The following NDUFAF2 variants were observed in gnomAD, a reference collection of about 807,000 sequenced individuals.
NDUFAF2 encodes NADH:ubiquinone oxidoreductase complex assembly factor 2, also known as NADH dehydrogenase [ubiquinone] 1 alpha subcomplex assembly factor 2.
In NDUFAF2, 13 loss-of-function variants were observed where a neutral mutation model predicts 22.8. The observed-to-expected ratio is 0.57, with a 90% CI of 0.37 to 0.91. The LOEUF is 0.91. Ranked by LOEUF, NDUFAF2 falls within the 40% of genes least tolerant of loss-of-function variation. The probability of loss-of-function intolerance (pLI) is 0.01; values close to 1 mark genes in which losing one functional copy is unlikely to be tolerated. For synonymous variants in NDUFAF2, 53 were observed against 64.2 expected, an observed-to-expected ratio of 0.83 and a Z score of 0.84; for missense variants, 162 against 195.2, an observed-to-expected ratio of 0.83 and a Z score of 1.01.
chr5:60,964,386 C>A (rs1441718496), intron 1 of NDUFAF2, among the ~76,000 whole-genome samples: 1 of 151,488 alleles, frequency 6.6e-6, no homozygotes, highest in East Asian at 1.9e-4. Flanking sequence ...ATATGTATTA[C>A]CTCATAATTT....
intron 3 of NDUFAF2, among the ~76,000 whole-genome samples, chr5:61,135,062 TA>T (rs1262294489): frequency 6.7e-6 from 1 of 150,018 alleles, no homozygotes; most frequent in Non-Finnish European, 1.5e-5. Flanking sequence ...GCTTATAGCA[TA>T]AAAGAAATTA....
intron 2 of NDUFAF2, among the ~76,000 whole-genome samples, chr5:61,090,923 A>G (rs975226401): frequency 6.6e-6 from 1 of 152,066 alleles, no homozygotes; most frequent in African/African-American, 2.4e-5. Context: ...CCCACTTATA[A>G]GTGAGAACAT....
Position 61,153,013 on chromosome 5 carries a change from GA to G in NDUFAF2, c.*60del. 6.4e-7 allele frequency: 1 copy of G among 1,571,106 alleles called. No individual in the cohort carries two copies. Among genetic ancestry groups the G allele is most frequent in the Non-Finnish European group, 8.7e-7 (1 of 1,146,806 alleles). On this transcript the variant is annotated 3_prime_UTR_variant, in exon 4 of 4. Transcript: ENST00000296597. Reference sequence around the variant, plus strand: ...GATGTGACTATTTTAACAAATAAAAGAAGTGAAAAGTTATTTACCTTGTATT... The same window carrying G: ...GATGTGACTATTTTAACAAATAAAAGAGTGAAAAGTTATTTACCTTGTATT...
At chr5:61,127,993 T>C (rs1753058617) in intron 3 of NDUFAF2, among the ~76,000 whole-genome samples, 2 of 152,316 alleles carry the variant, frequency 1.3e-5, no homozygotes, top group African/African-American at 2.4e-5. Context: ...AGCATTCTTA[T>C]ACACCAATAA....
At chr5:60,985,859 G>A (rs1274293377) in intron 1 of NDUFAF2, among the ~76,000 whole-genome samples, 1 of 152,024 alleles carries the variant, frequency 6.6e-6, no homozygotes, top group African/African-American at 2.4e-5. Flanking sequence ...GGGAATTGTG[G>A]TAGTTACAAT....
chr5:61,072,057 C>G (rs893578964), intron 1 of NDUFAF2, among the ~76,000 whole-genome samples: 2 of 152,220 alleles, frequency 1.3e-5, no homozygotes, highest in Admixed American at 6.5e-5. Flanking sequence ...TTACTGTTCT[C>G]TCTGTTTCAT....
chr5:61,093,579 G>A (rs1752599106), intron 2 of NDUFAF2, among the ~76,000 whole-genome samples: 1 of 152,144 alleles, frequency 6.6e-6, no homozygotes, highest in Non-Finnish European at 1.5e-5. Flanking sequence ...TGCATATATT[G>A]AACCAGCCTT....
intron 1 of NDUFAF2, among the ~76,000 whole-genome samples, chr5:61,023,069 T>G (rs902368275): frequency 1.3e-5 from 2 of 152,220 alleles, no homozygotes; most frequent in African/African-American, 2.4e-5. Flanking sequence ...TCATCAGTTT[T>G]GGAAAATGTC....
intron 3 of NDUFAF2, among the ~76,000 whole-genome samples, chr5:61,106,713 C>G (rs1579833018): frequency 1.3e-5 from 2 of 151,110 alleles, no homozygotes; most frequent in Admixed American, 1.3e-4. Context: ...CCTTCCCAGC[C>G]TCTGGTAATC....
intron 3 of NDUFAF2, among the ~76,000 whole-genome samples, chr5:61,143,867 T>C (rs1270498729): frequency 6.6e-6 from 1 of 151,926 alleles, no homozygotes; most frequent in Non-Finnish European, 1.5e-5. Flanking sequence ...TACTTGGAAT[T>C]CACAAGTACT....
At position 61,128,136 on chromosome 5, in the gene NDUFAF2, T is replaced by G. The variant is rs372423474; in HGVS notation, c.259-24568T>G. On this transcript the variant is annotated intron_variant, in intron 3 of 3. Transcript: ENST00000296597. ...AGGAGAACTACAAACCACTGCTCAA[T>G]GAAATAAAAGAAGACACAAACAAAT... is the stretch of plus-strand genomic sequence containing the variant. 4.6e-5 allele frequency among the ~76,000 whole-genome samples: 7 copies of G among 151,996 alleles called. No homozygotes were observed. The East Asian group carries it at 9.7e-4, about 21-fold the overall frequency.
intron 1 of NDUFAF2, among the ~76,000 whole-genome samples, chr5:61,047,474 T>C (rs1209315217): frequency 6.6e-6 from 1 of 152,144 alleles, no homozygotes; most frequent in African/African-American, 2.4e-5. Context: ...TTAGCTAGTG[T>C]CAAAGCATTC....
intron 1 of NDUFAF2, among the ~76,000 whole-genome samples, chr5:60,986,080 T>C (rs1438619759): frequency 1.3e-5 from 2 of 152,138 alleles, no homozygotes; most frequent in African/African-American, 2.4e-5. Flanking sequence ...TGGAGGATGG[T>C]TTGGAGGTTC....
At chr5:61,092,910 C>T (rs533074425) in intron 2 of NDUFAF2, among the ~76,000 whole-genome samples, 1 of 152,242 alleles carries the variant, frequency 6.6e-6, no homozygotes, top group East Asian at 1.9e-4. Context: ...TGAAGTCCCA[C>T]AATAGGCCAT....
chr5:60,945,509 C>A, intron 1 of NDUFAF2, 127 bp downstream of exon 1: 2 of 1,391,140 alleles, frequency 1.4e-6, no homozygotes, highest in Non-Finnish European at 2.0e-6. Context: ...GAGAGAATTT[C>A]CCGAGTTCGT....
chr5:61,128,130 G>T (rs1313058573), intron 3 of NDUFAF2, among the ~76,000 whole-genome samples: 1 of 152,086 alleles, frequency 6.6e-6, no homozygotes, highest in Non-Finnish European at 1.5e-5. Context: ...ACAAACCACT[G>T]CTCAATGAAA....
chr5:61,048,435 A>G (rs1751982471), intron 1 of NDUFAF2, among the ~76,000 whole-genome samples: 1 of 152,188 alleles, frequency 6.6e-6, no homozygotes, highest in East Asian at 1.9e-4. Flanking sequence ...GATGCCTGGA[A>G]CTATTTCAAA....
At chr5:60,976,937 A>G (rs1750909711) in intron 1 of NDUFAF2, among the ~76,000 whole-genome samples, 1 of 152,118 alleles carries the variant, frequency 6.6e-6, no homozygotes, top group Non-Finnish European at 1.5e-5. Context: ...TAATTATTGA[A>G]TATCTATCTT....
At chr5:61,001,891 CCTT>C (rs1751300699) in intron 1 of NDUFAF2, among the ~76,000 whole-genome samples, 1 of 152,038 alleles carries the variant, frequency 6.6e-6, no homozygotes, top group South Asian at 2.1e-4. Context: ...AATGATAAAT[CCTT>C]CTTATTTGAC....
Sources: gnomAD v4.1 joint callset for allele counts (sites outside exome capture counted in the v4.1 genomes callset) on GRCh38, gnomAD v4.1.1 for gene constraint, MANE v1.5 for transcripts, NCBI Gene and HGNC (gene_info 2026-07-23, HGNC 2026-07-21) for gene names.